The following PLPP1 variants were observed in gnomAD, a reference collection of about 807,000 sequenced individuals.
The protein encoded by PLPP1 is lipid phosphate phosphohydrolase 1a.
In PLPP1, 24 loss-of-function variants were observed where a neutral mutation model predicts 31.2. That is an observed-to-expected ratio of 0.77 (90% CI 0.56 to 1.08). PLPP1 has a LOEUF of 1.08. PLPP1 is among the 50% of genes least tolerant of loss of function. The probability of loss-of-function intolerance (pLI) is 0.00; values close to 1 mark genes in which losing one functional copy is unlikely to be tolerated. For missense variants in PLPP1, 319 were observed against 342.7 expected, an observed-to-expected ratio of 0.93 and a Z score of 0.55; for synonymous variants, 146 against 126.3, an observed-to-expected ratio of 1.16 and a Z score of -1.05.
intron 3 of PLPP1, among the ~76,000 whole-genome samples, chr5:55,453,978 AAACAAACGT>A (rs1408147139): frequency 6.6e-6 from 1 of 152,120 alleles, no homozygotes; most frequent in Non-Finnish European, 1.5e-5. Context: ...AACATGCTCA[AAACAAACGT>A]AAGCAGCACA....
intron 3 of PLPP1, among the ~76,000 whole-genome samples, chr5:55,458,887 C>CAAAAAAAAAAAAAAAAAAA (rs529067608): frequency 4.7e-5 from 1 of 21,098 alleles, no homozygotes; most frequent in African/African-American, 1.1e-4. Context: ...ACCCTGTCTC[C>CAAAAAAAAAAAAAAAAAAA]AAAAAAAAAA....
intron 1 of PLPP1, among the ~76,000 whole-genome samples, chr5:55,525,463 A>G (rs1740394595): frequency 6.6e-6 from 1 of 152,160 alleles, no homozygotes; most frequent in South Asian, 2.1e-4. Context: ...AGTTTTTCAT[A>G]GCTTATAAGG....
chr5:55,516,049 C>T (rs933014548), intron 1 of PLPP1, among the ~76,000 whole-genome samples: 3 of 152,194 alleles, frequency 2.0e-5, no homozygotes, highest in Admixed American at 2.0e-4. Flanking sequence ...CACACTCCAC[C>T]TCAGTAACTG....
chr5:55,505,156 C>T (rs914562355), intron 1 of PLPP1, among the ~76,000 whole-genome samples: 15 of 152,120 alleles, frequency 9.9e-5, no homozygotes, highest in African/African-American at 3.6e-4. Context: ...CTCTCCCTTA[C>T]CTCCTCCCAA....
At chr5:55,532,242 A>G (rs1013745473) in intron 1 of PLPP1, among the ~76,000 whole-genome samples, 27 of 152,138 alleles carry the variant, frequency 1.8e-4, no homozygotes, top group African/African-American at 6.5e-4. Context: ...TTTTAATTGC[A>G]GATCTACCAT....
At chr5:55,478,313 CT>C (rs1033505767) in intron 1 of PLPP1, among the ~76,000 whole-genome samples, 3 of 152,068 alleles carry the variant, frequency 2.0e-5, no homozygotes, top group African/African-American at 7.2e-5. Flanking sequence ...TGGGCAAATA[CT>C]AAGTAAACCC....
chr5:55,512,480 A>AAG (rs796628921), intron 1 of PLPP1, among the ~76,000 whole-genome samples: 1 of 7,858 alleles, frequency 1.3e-4, no homozygotes, highest in African/African-American at 2.8e-4. Flanking sequence ...AAAAAAAAAA[A>AAG]AAAGAAAGAA....
rs1751135165 is a variant in PLPP1 at position 55,425,056 on chromosome 5, T to C, written c.*150A>G. The C allele has an allele frequency of 1.0e-5, 11 of 1,065,160 alleles. No homozygotes were observed. The highest frequency in any genetic ancestry group is 1.5e-5 in the Non-Finnish European group (11 of 737,662). The allele number at this position is 1,065,160 out of a possible 1,614,324, so 66.0% of individuals were successfully genotyped here. ...ATAACCACTGAGTTAAAGGTAACTATGTACACACAAAGTGTGCATCCAAGA... is the reference window on the plus strand; with the variant it reads ...ATAACCACTGAGTTAAAGGTAACTACGTACACACAAAGTGTGCATCCAAGA... On this transcript the variant is annotated 3_prime_UTR_variant, in exon 6 of 6. Coordinates refer to ENST00000307259, the MANE Select transcript of PLPP1 (RefSeq NM_003711.4).
At chr5:55,485,671 G>C (rs1001875320) in intron 1 of PLPP1, among the ~76,000 whole-genome samples, 4 of 151,882 alleles carry the variant, frequency 2.6e-5, no homozygotes, top group Non-Finnish European at 5.9e-5. Flanking sequence ...CAATGTTCAA[G>C]GGAGGGGAAA....
chr5:55,427,949 G>A (rs187790233), intron 4 of PLPP1, among the ~76,000 whole-genome samples: 8 of 152,000 alleles, frequency 5.3e-5, no homozygotes, highest in Non-Finnish European at 1.2e-4. Context: ...CCACTCCCAG[G>A]TAATTGTCTG....
At chr5:55,428,850 T>G (rs1040177303) in intron 4 of PLPP1, among the ~76,000 whole-genome samples, 6 of 152,194 alleles carry the variant, frequency 3.9e-5, no homozygotes, top group African/African-American at 1.4e-4. Context: ...TAGTTACTTC[T>G]CTTTTAAGAG....
chr5:55,504,806 T>A (rs1377198554), intron 1 of PLPP1, among the ~76,000 whole-genome samples: 1 of 150,846 alleles, frequency 6.6e-6, no homozygotes, highest in African/African-American at 2.4e-5. Flanking sequence ...CTTTTTCCCC[T>A]AACTTTCCTT....
intron 1 of PLPP1, among the ~76,000 whole-genome samples, chr5:55,504,013 A>G (rs1349078948): frequency 2.0e-5 from 3 of 151,348 alleles, no homozygotes; most frequent in Non-Finnish European, 4.4e-5. Flanking sequence ...GGTGGCTCAC[A>G]CCTGTCATCT....
At chr5:55,450,705 A>T (rs1472954014) in intron 3 of PLPP1, among the ~76,000 whole-genome samples, 2 of 152,160 alleles carry the variant, frequency 1.3e-5, no homozygotes, top group African/African-American at 4.8e-5. Context: ...AATACTCCAA[A>T]TCACCAAAGC....
At chr5:55,511,656 T>G (rs969402948) in intron 1 of PLPP1, among the ~76,000 whole-genome samples, 7 of 91,020 alleles carry the variant, frequency 7.7e-5, no homozygotes, top group East Asian at 3.3e-4. Flanking sequence ...TTGAGTTTTT[T>G]TTTTTTTTTT....
intron 4 of PLPP1, among the ~76,000 whole-genome samples, chr5:55,433,352 C>A (rs1256116137): frequency 6.8e-6 from 1 of 146,058 alleles, no homozygotes; most frequent in Non-Finnish European, 1.5e-5. Flanking sequence ...GAAATAAAGG[C>A]ATCCAAGTTG....
At chr5:55,430,866 G>T (rs1295235934) in intron 4 of PLPP1, among the ~76,000 whole-genome samples, 1 of 152,026 alleles carries the variant, frequency 6.6e-6, no homozygotes, top group African/African-American at 2.4e-5. Flanking sequence ...AAACCATTTA[G>T]GATATGAATG....
At chr5:55,497,774 C>T (rs1753034428) in intron 1 of PLPP1, among the ~76,000 whole-genome samples, 2 of 152,126 alleles carry the variant, frequency 1.3e-5, no homozygotes, top group South Asian at 4.1e-4. Flanking sequence ...GTGCAACCTC[C>T]TGAAGCTGCT....
At chr5:55,426,440 C>G (rs186047439) in intron 4 of PLPP1, among the ~76,000 whole-genome samples, 1 of 152,212 alleles carries the variant, frequency 6.6e-6, no homozygotes, top group East Asian at 1.9e-4. Context: ...TGCTCTGTTG[C>G]CCAGACTGGA....
Sources: allele counts gnomAD v4.1 joint callset (sites outside exome capture counted in the v4.1 genomes callset), GRCh38; gene constraint gnomAD v4.1.1; transcripts MANE v1.5; gene names NCBI Gene and HGNC (gene_info 2026-07-23, HGNC 2026-07-21).